SNX14: variants seen among roughly 807,000 people sequenced by gnomAD.
SNX14 encodes the protein sorting nexin-14.
Under a neutral mutation model 133.8 loss-of-function variants are expected in SNX14, and 93 were observed. The observed-to-expected ratio is 0.70, with a 90% CI of 0.59 to 0.83. SNX14 has a LOEUF of 0.83. Among genes scored for constraint, SNX14 ranks in the 40% least tolerant of loss-of-function variants. The pLI is 0.00. For missense variants in SNX14, 945 were observed against 1,094.9 expected, an observed-to-expected ratio of 0.86 and a Z score of 1.93; for synonymous variants, 368 against 365.6, an observed-to-expected ratio of 1.01 and a Z score of -0.07.
intron 1 of SNX14, among the ~76,000 whole-genome samples, chr6:85,579,077 G>A (rs974390680): frequency 2.6e-5 from 4 of 152,044 alleles, no homozygotes; most frequent in Non-Finnish European, 5.9e-5. Flanking sequence ...GGCAGAAGTT[G>A]CAGTGAGCCG....
At chr6:85,558,137 T>C in intron 6 of SNX14, 77 bp from the exon 7 acceptor site, 2 of 728,066 alleles carry the variant, frequency 2.7e-6, no homozygotes, top group South Asian at 1.6e-5. Context: ...AATTATGATA[T>C]TGGAATATAT....
chr6:85,536,915 C>G lies in SNX14; in HGVS notation c.1485G>C (p.Gln495His), dbSNP rs752283442. 6.2e-7 allele frequency: 1 copy of G among 1,612,286 alleles called. No homozygotes were observed. Among genetic ancestry groups the G allele is most frequent in the Admixed American group, 1.7e-5 (1 of 59,856 alleles). Residue 495 changes from glutamine to histidine, a missense_variant, in exon 17 of 29, where the codon CAG (glutamine) becomes CAC (histidine). Gln to His is a conservative substitution (Grantham distance 24). This residue lies in a region of SNX14 where 412 missense variants were observed against 516.6 expected (regional missense o/e 0.80). Transcript: ENST00000314673. ...TGATTCCAAATGATTCTCCCCTTTT[C>G]TGTGTGTTCCTGAATATTAAACAAA... ...SLSLDDFRNT[Q>H]KRGESFGISR...
chr6:85,589,529 T>A (rs555602459), intron 1 of SNX14: 3 of 153,540 alleles, frequency 2.0e-5, no homozygotes, highest in East Asian at 3.8e-4. Flanking sequence ...CTGGCACTGT[T>A]TCTTCAAAGT....
chr6:85,551,760 A>G (rs1030163644), intron 7 of SNX14, among the ~76,000 whole-genome samples: 5 of 152,224 alleles, frequency 3.3e-5, no homozygotes, highest in Admixed American at 2.6e-4. Context: ...TAAGCTCTGG[A>G]TCTTCTGCCC....
At chr6:85,519,794 G>A (rs9450289) in intron 21 of SNX14, among the ~76,000 whole-genome samples, 18,067 of 152,044 alleles carry the variant, frequency 0.12, 1,658 homozygotes, top group African/African-American at 0.26. Context: ...GCTTGAACCC[G>A]GGAGATGGAG....
intron 1 of SNX14, among the ~76,000 whole-genome samples, chr6:85,590,598 C>T (rs1368366208): frequency 6.6e-6 from 1 of 152,148 alleles, no homozygotes; most frequent in Non-Finnish European, 1.5e-5. Context: ...TAAGCCAGAT[C>T]TCTTCCTAAA....
intron 1 of SNX14, among the ~76,000 whole-genome samples, chr6:85,578,681 T>C (rs1798073480): frequency 6.6e-6 from 1 of 152,208 alleles, no homozygotes; most frequent in South Asian, 2.1e-4. Flanking sequence ...TAAGCTAGAC[T>C]GGCTCTAAAC....
At chr6:85,533,842 CT>C in intron 17 of SNX14, 42 bp from the exon 18 acceptor site, 1 of 1,486,758 alleles carries the variant, frequency 6.7e-7, no homozygotes, top group Non-Finnish European at 9.3e-7. Context: ...TTCCCAATAC[CT>C]TTAGAACTAC....
intron 2 of SNX14, among the ~76,000 whole-genome samples, 164 bp downstream of exon 2, chr6:85,574,094 C>A (rs1403484793): frequency 7.3e-6 from 1 of 136,866 alleles, no homozygotes; most frequent in Non-Finnish European, 1.5e-5. Flanking sequence ...AAAATCACTG[C>A]TTTTAGCAGA....
rs201144471 is a variant in SNX14 at position 85,535,449 on chromosome 6, C to CA, written c.1608+1342dup. ...CAACATGGTGAAACCCCATCCTTAC[C>CA]AAAAAAAACCACAAAAATTAGCTGG... On this transcript the variant is annotated intron_variant, in intron 17 of 28. Transcript: ENST00000314673. Among the ~76,000 whole-genome samples the CA allele has an allele frequency of 1.4e-3, 210 of 150,618 alleles. 1 individual carries two copies. Among genetic ancestry groups the CA allele is most frequent in the African/African-American group, 4.8e-3 (196 of 41,098 alleles).
rs1282887984 is a variant in SNX14 at position 85,554,297 on chromosome 6, T to TACACACATGTGTATATATATAC, written c.634+3657_634+3678dup. Among the ~76,000 whole-genome samples, 55 of 152,074 alleles carry TACACACATGTGTATATATATAC rather than the reference T, an allele frequency of 3.6e-4. 2 individuals carry two copies. The East Asian group carries it at 0.01, about 29-fold the overall frequency. ...TACACATATATTCATATATTTCATA[T>TACACACATGTGTATATATATAC]ACACACATGTGTATATATATACACA... On this transcript the variant is annotated intron_variant, in intron 7 of 28. Transcript: ENST00000314673.
chr6:85,517,983 G>T, intron 22 of SNX14, 25 bp downstream of exon 22: 1 of 1,596,540 alleles, frequency 6.3e-7, no homozygotes, highest in South Asian at 1.1e-5. Flanking sequence ...TCATGTTATA[G>T]AACACACATA....
At chr6:85,529,027 G>C (rs1485737163) in intron 19 of SNX14, among the ~76,000 whole-genome samples, 1 of 151,172 alleles carries the variant, frequency 6.6e-6, no homozygotes, top group African/African-American at 2.4e-5. Context: ...ACTATAGCCT[G>C]GGTGACAGAG....
intron 20 of SNX14, 24 bp downstream of exon 20, chr6:85,528,238 G>C: frequency 7.2e-6 from 11 of 1,519,564 alleles, no homozygotes; most frequent in Non-Finnish European, 1.0e-5. Flanking sequence ...GCAACATTTG[G>C]AATTAATACA....
In SNX14 at chr6:85,543,679, T is replaced by C. The variant is rs142875261; in HGVS notation, c.1190A>G (p.Tyr397Cys). The C allele has an allele frequency of 2.1e-4, 337 of 1,589,494 alleles. 2 individuals carry two copies. Among genetic ancestry groups the C allele is most frequent in the Non-Finnish European group, 3.3e-5 (39 of 1,166,230 alleles). ...ACTTTCATCCAAACAGTATGTTTTA[T>C]AAATCTTCTGCAATTCTTCATGAAG... Reference protein sequence around the residue: ...LSLHEELQKIYKTYCLDESID... With the variant: ...LSLHEELQKICKTYCLDESID... Residue 397 changes from tyrosine (Y) to cysteine (C), a missense_variant, in exon 13 of 29, where the codon TAT becomes TGT. Transcript: ENST00000314673.
At chr6:85,562,181 T>C (rs1263722275) in intron 6 of SNX14, among the ~76,000 whole-genome samples, 5 of 152,246 alleles carry the variant, frequency 3.3e-5, no homozygotes, top group Non-Finnish European at 5.9e-5. Context: ...CATTCTTTTT[T>C]ATGGCTGCGT....
chr6:85,574,377 A>G lies in SNX14; in HGVS notation c.142T>C (p.Tyr48His), dbSNP rs767083563. 8 of 1,528,682 alleles carry G rather than the reference A, an allele frequency of 5.2e-6. No individual in the cohort carries two copies. Among genetic ancestry groups the G allele is most frequent in the Non-Finnish European group, 7.1e-6 (8 of 1,124,304 alleles). The allele number at this position is 1,528,682 out of a possible 1,614,324, so 94.7% of individuals were successfully genotyped here. ...LSAASLLLNR[Y>H]IHILMIFWSF... ...CAGAAGATCATTAAAATATGAATATACCTTAAAAATAAATGAAAATAATTA... is the reference window on the plus strand; with the variant it reads ...CAGAAGATCATTAAAATATGAATATGCCTTAAAAATAAATGAAAATAATTA... The change falls in exon 2 of 29, where the codon TAT becomes CAT. Residue 48 changes from tyrosine (Y) to histidine (H), a missense_variant and splice_region_variant. By Grantham distance (83) the Tyr-to-His change is moderately conservative. Coordinates refer to ENST00000314673, the MANE Select transcript of SNX14 (RefSeq NM_153816.6).
At chr6:85,537,113 T>C (rs889754044) in intron 16 of SNX14, 189 bp from the exon 17 acceptor site, 1 of 452,876 alleles carries the variant, frequency 2.2e-6, no homozygotes, top group Non-Finnish European at 3.7e-6. Flanking sequence ...AATGACACAG[T>C]ATTTAAAGTT....
intron 2 of SNX14, among the ~76,000 whole-genome samples, chr6:85,573,097 C>A (rs1796212659): frequency 6.6e-6 from 1 of 152,218 alleles, no homozygotes; most frequent in Non-Finnish European, 1.5e-5. Context: ...ATATGGGGCA[C>A]CACGTTCAGT....
Sources: gnomAD v4.1 joint callset for allele counts (sites outside exome capture counted in the v4.1 genomes callset) on GRCh38, gnomAD v4.1.1 for gene constraint, gnomAD v4.1.1 regional missense constraint, MANE v1.5 for transcripts, NCBI Gene and HGNC (gene_info 2026-07-23, HGNC 2026-07-21) for gene names.